Variants in NR6A1 observed in about 807,000 individuals in gnomAD.
NR6A1 encodes the protein nuclear receptor subfamily 6 group A member 1, also known as retinoic acid receptor-related testis-associated receptor.
A neutral mutation model predicts 59.1 loss-of-function variants in NR6A1; 7 were observed. That is an observed-to-expected ratio of 0.12 (90% confidence interval 0.07 to 0.22). NR6A1 has a LOEUF of 0.22. NR6A1 is among the 10% of genes least tolerant of loss of function. The pLI is 1.00. For synonymous variants in NR6A1, 243 were observed against 236.1 expected (o/e 1.03, Z -0.27); for missense variants, 468 against 611.6 (o/e 0.77, Z 2.48).
intron 1 of NR6A1, among the ~76,000 whole-genome samples, chr9:124,738,475 A>G (rs1038220416): frequency 2.0e-5 from 3 of 152,202 alleles, no homozygotes; most frequent in East Asian, 1.9e-4. Flanking sequence ...TCCTAAGATG[A>G]TATCACCAAG....
intron 2 of NR6A1, among the ~76,000 whole-genome samples, chr9:124,708,598 G>T (rs1839196535): frequency 1.3e-5 from 2 of 152,132 alleles, no homozygotes; most frequent in Admixed American, 1.3e-4. Context: ...TTGGGATTAT[G>T]GAATCATTTT....
chr9:124,560,021 TAACAGGA>T (rs894398232), intron 2 of NR6A1, among the ~76,000 whole-genome samples: 2 of 152,220 alleles, frequency 1.3e-5, no homozygotes, highest in African/African-American at 4.8e-5. Flanking sequence ...ACACATTTTA[TAACAGGA>T]AAAACGGGTG....
chr9:124,696,762 T>C (rs1838778311), intron 2 of NR6A1, among the ~76,000 whole-genome samples: 1 of 152,114 alleles, frequency 6.6e-6, no homozygotes, highest in African/African-American at 2.4e-5. Context: ...CCTCAAGTGA[T>C]CCGCCCACCT....
At chr9:124,591,216 T>C (rs1189529810) in intron 2 of NR6A1, among the ~76,000 whole-genome samples, 1 of 152,228 alleles carries the variant, frequency 6.6e-6, no homozygotes, top group African/African-American at 2.4e-5. Flanking sequence ...TTTCCCTAAA[T>C]TTGCTCCTCT....
intron 2 of NR6A1, among the ~76,000 whole-genome samples, chr9:124,646,707 T>C (rs1040045315): frequency 6.6e-6 from 1 of 152,198 alleles, no homozygotes; most frequent in East Asian, 1.9e-4. Flanking sequence ...TTTAAGAAAG[T>C]TTACGAACTT....
At chr9:124,639,296 A>C (rs1219527018) in intron 2 of NR6A1, among the ~76,000 whole-genome samples, 2 of 152,238 alleles carry the variant, frequency 1.3e-5, no homozygotes, top group Admixed American at 6.5e-5. Flanking sequence ...AAATGGAGAA[A>C]GAACATGCCA....
intron 2 of NR6A1, among the ~76,000 whole-genome samples, chr9:124,588,465 G>A (rs1229702625): frequency 2.0e-5 from 3 of 151,384 alleles, no homozygotes; most frequent in East Asian, 2.0e-4. Flanking sequence ...CCGCCACCAC[G>A]CCCGGCTAAT....
At chr9:124,591,145 G>A (rs1190053706) in intron 2 of NR6A1, among the ~76,000 whole-genome samples, 1 of 152,120 alleles carries the variant, frequency 6.6e-6, no homozygotes, top group African/African-American at 2.4e-5. Flanking sequence ...GCACTCCCTG[G>A]AGACCTTAGA....
chr9:124,592,471 T>C (rs989295309), intron 2 of NR6A1, among the ~76,000 whole-genome samples: 2 of 152,198 alleles, frequency 1.3e-5, no homozygotes, highest in East Asian at 1.9e-4. Context: ...GTCAAGGAGG[T>C]ACTGTTTGCG....
chr9:124,771,162 T>C lies in NR6A1; in HGVS notation c.-43A>G. 2 of 1,101,584 alleles carry C rather than the reference T, an allele frequency of 1.8e-6. No individual in the cohort carries two copies. The highest frequency in any genetic ancestry group is 2.3e-6 in the Non-Finnish European group (2 of 868,806). 68.2% of individuals were successfully genotyped at this position (1,101,584 alleles called of 1,614,324 possible). On this transcript the variant is annotated 5_prime_UTR_variant, in exon 1 of 10. An upstream start codon of the reference 5' UTR is lost. Transcript: ENST00000487099. ...CCGCGCCGGGTTTGTTGCTCCGCCA[T>C]GACCGGCGCCCTAGTCGCCGTGGTC...
At chr9:124,641,692 AAG>A (rs1256123415) in intron 2 of NR6A1, among the ~76,000 whole-genome samples, 4 of 152,208 alleles carry the variant, frequency 2.6e-5, no homozygotes, top group Admixed American at 1.3e-4. Context: ...GTTTCAAAAA[AAG>A]AGAGAGGGGA....
intron 2 of NR6A1, among the ~76,000 whole-genome samples, chr9:124,651,845 C>A (rs1436076112): frequency 6.6e-6 from 1 of 152,098 alleles, no homozygotes; most frequent in African/African-American, 2.4e-5. Context: ...TCTGTGCCTC[C>A]ACCCCAATCC....
chr9:124,725,427 A>C (rs1227430768), intron 2 of NR6A1, among the ~76,000 whole-genome samples: 2 of 152,168 alleles, frequency 1.3e-5, no homozygotes, highest in African/African-American at 4.8e-5. Flanking sequence ...AAGCCATTTA[A>C]TTGGACAAAG....
intron 2 of NR6A1, among the ~76,000 whole-genome samples, chr9:124,623,406 G>T (rs2130864801): frequency 6.6e-6 from 1 of 151,910 alleles, no homozygotes; most frequent in Admixed American, 6.6e-5. Flanking sequence ...CTGTCACCCA[G>T]GCTGAAGTGT....
At chr9:124,732,851 C>T (rs2131128431) in intron 2 of NR6A1, among the ~76,000 whole-genome samples, 1 of 152,244 alleles carries the variant, frequency 6.6e-6, no homozygotes, top group East Asian at 1.9e-4. Context: ...CACCCGCCAC[C>T]ACGCCCGGCT....
intron 2 of NR6A1, among the ~76,000 whole-genome samples, chr9:124,723,023 T>C (rs1229196012): frequency 6.6e-6 from 1 of 152,130 alleles, no homozygotes; most frequent in East Asian, 1.9e-4. Context: ...AAAATACTCA[T>C]ATAAATATAT....
At chr9:124,522,919 G>A (rs986857910) in intron 9 of NR6A1, 126 bp from the exon 10 acceptor site, 2 of 686,440 alleles carry the variant, frequency 2.9e-6, no homozygotes, top group South Asian at 1.7e-5. Context: ...GAAGTGCCAG[G>A]AGTATCACAA....
At chr9:124,548,432 T>C (rs975366194) in intron 3 of NR6A1, among the ~76,000 whole-genome samples, 3 of 152,178 alleles carry the variant, frequency 2.0e-5, no homozygotes, top group African/African-American at 7.2e-5. Flanking sequence ...AACTTGATCC[T>C]CAGTTCAAGA....
Position 124,538,118 on chromosome 9 carries a change from C to T in NR6A1, c.798G>A (p.Leu266=). 1 of 1,612,748 alleles carries T rather than the reference C, an allele frequency of 6.2e-7. No individual in the cohort carries two copies. Residue 266 remains leucine, a synonymous_variant, in exon 6 of 10, where the codon TTG becomes TTA. Coordinates refer to ENST00000487099, the MANE Select transcript of NR6A1 (RefSeq NM_033334.4). The part of the protein sequence containing the change: ...QLLSAEDLEP[L]GTPMLIEDGY... The stretch of plus-strand genomic sequence containing the variant: ...CATCTTCAATCAACATGGGCGTGCC[C>T]AATGGTTCCAGGTCCTCGGCTGATA...
Sources: allele counts gnomAD v4.1 joint callset (sites outside exome capture counted in the v4.1 genomes callset), GRCh38; gene constraint gnomAD v4.1.1; transcripts MANE v1.5; gene names NCBI Gene and HGNC (gene_info 2026-07-23, HGNC 2026-07-21).